Variants in FAT1 observed in about 807,000 individuals in gnomAD.
FAT1 encodes the protein protocadherin Fat 1.
Under a neutral mutation model 329.8 loss-of-function variants are expected in FAT1, and 171 were observed. The ratio of observed to expected loss-of-function variants is 0.52; its 90% CI spans 0.46 to 0.59. FAT1 has a LOEUF of 0.59. FAT1 is among the 20% of genes least tolerant of loss of function. The probability of loss-of-function intolerance (pLI) is 0.00; values close to 1 mark genes in which losing one functional copy is unlikely to be tolerated. For missense variants in FAT1, 5,672 were observed against 5,774.4 expected, an observed-to-expected ratio of 0.98 and a Z score of 0.57; for synonymous variants, 2,233 against 2,228.6, an observed-to-expected ratio of 1.00 and a Z score of -0.06.
At chr4:186,696,705 A>C (rs1364073978) in intron 2 of FAT1, among the ~76,000 whole-genome samples, 1 of 152,224 alleles carries the variant, frequency 6.6e-6, no homozygotes, top group African/African-American at 2.4e-5. Context: ...ATAGAGGTCA[A>C]AGAACATACG....
rs750386635 is a variant in FAT1 at position 186,628,711 on chromosome 4, G to A, written c.4376C>T (p.Ser1459Leu). ...TNDHRPQFSTSKYEVVIPEDT... is the reference protein window; with the variant it reads ...TNDHRPQFSTLKYEVVIPEDT... ...TTCAGGAATAACAACTTCATACTTT[G>A]ATGTAGAAAACTGAGGACGATGGTC... Residue 1459 changes from serine (S) to leucine (L), a missense_variant, in exon 8 of 27, where the codon TCA (serine) becomes TTA (leucine). Physicochemically the swap from Ser to Leu is moderately radical, Grantham distance 145. Coordinates refer to ENST00000441802, the MANE Select transcript of FAT1 (RefSeq NM_005245.4). 5 of 1,613,862 alleles carry A rather than the reference G, an allele frequency of 3.1e-6. No individual in the cohort carries two copies. In the Admixed American group the frequency reaches 8.3e-5, roughly 27 times the overall value.
chr4:186,700,530 A>C (rs1237626742), intron 2 of FAT1, among the ~76,000 whole-genome samples: 1 of 151,876 alleles, frequency 6.6e-6, no homozygotes, highest in African/African-American at 2.4e-5. Flanking sequence ...TACATTCAAG[A>C]CTCCTTCAGG....
upstream of FAT1, among the ~76,000 whole-genome samples, chr4:186,724,582 G>A (rs1745645965): frequency 6.6e-6 from 1 of 152,176 alleles, no homozygotes; most frequent in African/African-American, 2.4e-5. The surrounding 1 kb of genome is among the most constrained non-coding windows in gnomAD (Gnocchi z 5.3). Flanking sequence ...CGTGACCCCA[G>A]GCCGACAACT....
chr4:186,682,435 G>A (rs1743260441), intron 2 of FAT1, among the ~76,000 whole-genome samples: 1 of 150,260 alleles, frequency 6.7e-6, no homozygotes, highest in Non-Finnish European at 1.5e-5. Context: ...GCTGAGGCAG[G>A]AGGATTCCTT....
At chr4:186,598,171 C>G (rs2126404004) in intron 22 of FAT1, 46 bp from the exon 23 acceptor site, 1 of 1,520,106 alleles carries the variant, frequency 6.6e-7, no homozygotes, top group Non-Finnish European at 8.9e-7. Context: ...CTCAATGACT[C>G]AGAAACCTGG....
rs2126693205 is a variant in FAT1 at position 186,708,022 on chromosome 4, T to C, written c.1806A>G (p.Val602=). The C allele has an allele frequency of 6.2e-7, 1 of 1,613,974 alleles. No homozygotes were observed. The highest frequency in any genetic ancestry group is 8.5e-7 in the Non-Finnish European group (1 of 1,179,876). Residue 602 remains valine, a synonymous_variant, in exon 2 of 27, where the codon GTA becomes GTG. Coordinates refer to ENST00000441802, the MANE Select transcript of FAT1 (RefSeq NM_005245.4). ...CATTTCCAGCTTCAATCTGATACTG[T>C]ACCAACTGAAGTTCATCTGCATCAA... is the stretch of plus-strand genomic sequence containing the variant. The part of the protein sequence containing the change: ...SAIDADELQL[V]QYQIEAGNEL...
Position 186,707,483 on chromosome 4 carries a change from CG to C in FAT1, c.2344del (p.Arg782ValfsTer9). 6.2e-7 allele frequency: 1 copy of C among 1,613,986 alleles called. No homozygotes were observed. Among genetic ancestry groups the C allele is most frequent in the Non-Finnish European group, 8.5e-7 (1 of 1,179,892 alleles). ...GMLKILSPLDRETTDKYTLNI... is the reference protein window; with the variant it reads ...GMLKILSPLDXETTDKYTLNI... ...CAGGGTGTATTTGTCTGTTGTTTCACGGTCAAGAGGAGATAAAATTTTCAGC... is the reference window on the plus strand; with the variant it reads ...CAGGGTGTATTTGTCTGTTGTTTCACGTCAAGAGGAGATAAAATTTTCAGC... On this transcript the variant is annotated frameshift_variant, in exon 2 of 27. Coordinates refer to ENST00000441802, the MANE Select transcript of FAT1 (RefSeq NM_005245.4). LOFTEE classifies it high-confidence loss of function.
Position 186,628,716 on chromosome 4 carries a change from AG to A in FAT1, c.4370del (p.Ser1457LeufsTer33). On this transcript the variant is annotated frameshift_variant, in exon 8 of 27. Transcript: ENST00000441802. LOFTEE classifies it high-confidence loss of function. ...GAATAACAACTTCATACTTTGATGT[AG>A]AAAACTGAGGACGATGGTCATTTGT... ...IDTNDHRPQFSTSKYEVVIPE... is the reference protein window; with the variant it reads ...IDTNDHRPQFXTSKYEVVIPE... 1 of 1,613,934 alleles carries A rather than the reference AG, an allele frequency of 6.2e-7. No individual in the cohort carries two copies. Among genetic ancestry groups the A allele is most frequent in the African/African-American group, 1.3e-5 (1 of 75,056 alleles).
Position 186,588,434 on chromosome 4 carries a change from T to C in FAT1, c.*158A>G. 8 of 832,998 alleles carry C rather than the reference T, an allele frequency of 9.6e-6. No individual in the cohort carries two copies. Among genetic ancestry groups the C allele is most frequent in the Non-Finnish European group, 1.4e-5 (8 of 553,172 alleles). The allele number at this position is 832,998 out of a possible 1,614,324, so 51.6% of individuals were successfully genotyped here. A position where few individuals can be genotyped will look rare whatever the true frequency, so the allele number is the denominator to read the frequency against. The stretch of plus-strand genomic sequence containing the variant: ...CTCACGATGACAGTAGTTGGGACAC[T>C]GGAAATGGCTAGCACGTCCAGAGGC... On this transcript the variant is annotated 3_prime_UTR_variant, in exon 27 of 27. Coordinates refer to ENST00000441802, the MANE Select transcript of FAT1 (RefSeq NM_005245.4).
upstream of FAT1, chr4:186,726,255 G>T (rs1745715846): frequency 6.6e-6 from 1 of 152,376 alleles, no homozygotes; most frequent in East Asian, 1.9e-4. Context: ...GGGCGCACAC[G>T]CTTCCCCGCA....
chr4:186,690,910 T>C (rs1263122921), intron 2 of FAT1, among the ~76,000 whole-genome samples: 3 of 152,208 alleles, frequency 2.0e-5, no homozygotes, highest in Admixed American at 2.0e-4. Context: ...GCTGTAATTG[T>C]ACTTTTTGAT....
At chr4:186,629,385 C>G (rs1414304097) in intron 7 of FAT1, among the ~76,000 whole-genome samples, 1 of 152,142 alleles carries the variant, frequency 6.6e-6, no homozygotes, top group African/African-American at 2.4e-5. Flanking sequence ...AAAATAAACT[C>G]TCTTAACTAT....
chr4:186,629,767 A>G (rs902283052), intron 7 of FAT1, among the ~76,000 whole-genome samples: 1 of 152,212 alleles, frequency 6.6e-6, no homozygotes, highest in African/African-American at 2.4e-5. Flanking sequence ...TTAGTTAAAT[A>G]AAACGTAACA....
chr4:186,696,051 A>T (rs1263731066), intron 2 of FAT1, among the ~76,000 whole-genome samples: 1 of 152,186 alleles, frequency 6.6e-6, no homozygotes, highest in African/African-American at 2.4e-5. Context: ...TTCACCTCCC[A>T]AAGTGTTGGG....
intron 26 of FAT1, among the ~76,000 whole-genome samples, chr4:186,590,215 C>G (rs114305240): frequency 6.6e-6 from 1 of 151,920 alleles, no homozygotes; most frequent in African/African-American, 2.4e-5. Context: ...TTAGGCAATC[C>G]GTGCTTCAAA....
intron 7 of FAT1, among the ~76,000 whole-genome samples, chr4:186,630,125 A>G (rs1342713072): frequency 2.6e-5 from 4 of 152,176 alleles, no homozygotes; most frequent in Admixed American, 1.3e-4. Context: ...TCAGCATGCA[A>G]TGGTCTCTGC....
intron 1 of FAT1, 71 bp from the exon 2 acceptor site, chr4:186,709,916 A>G: frequency 5.2e-6 from 7 of 1,339,114 alleles, no homozygotes; most frequent in Non-Finnish European, 5.9e-6. Context: ...ATTGTTTTAA[A>G]CTTCTCATTA....
intron 26 of FAT1, 65 bp from the exon 27 acceptor site, chr4:186,589,285 G>C (rs2126358885): frequency 2.0e-6 from 3 of 1,501,122 alleles, no homozygotes; most frequent in Non-Finnish European, 2.7e-6. Flanking sequence ...TGGAAAGAGA[G>C]CTCAGTGTAT....
chr4:186,624,569 T>A (rs1486827697), intron 9 of FAT1, among the ~76,000 whole-genome samples: 1 of 152,118 alleles, frequency 6.6e-6, no homozygotes, highest in Admixed American at 6.5e-5. Flanking sequence ...CAGACCAGAG[T>A]ATGGCACTGA....
Sources: allele counts gnomAD v4.1 joint callset (sites outside exome capture counted in the v4.1 genomes callset), GRCh38; gene constraint gnomAD v4.1.1; non-coding constraint Gnocchi (gnomAD v3.1); transcripts MANE v1.5; gene names NCBI Gene and HGNC (gene_info 2026-07-23, HGNC 2026-07-21).